PTPRCAP: variants seen among roughly 807,000 people sequenced by gnomAD.
PTPRCAP encodes the protein protein tyrosine phosphatase receptor type C associated protein, also known as protein tyrosine phosphatase receptor type C-associated protein.
For synonymous variants in PTPRCAP, 136 were observed against 135.8 expected (o/e 1.00, Z -0.01); for missense variants, 294 against 285.5 (o/e 1.03, Z -0.22).
In PTPRCAP at chr11:67,435,648, G is replaced by T; in HGVS notation, c.*85C>A. On this transcript the variant is annotated 3_prime_UTR_variant, in exon 2 of 2. Coordinates refer to ENST00000326294, the MANE Select transcript of PTPRCAP (RefSeq NM_005608.3). ...TCTGAGGCATGGTCATGTGGGCTGG[G>T]GGTCCAGTCCAGCCATGGCATCTTG... 6.8e-7 allele frequency: 1 copy of T among 1,480,356 alleles called. No individual in the cohort carries two copies. Among genetic ancestry groups the T allele is most frequent in the Non-Finnish European group, 8.9e-7 (1 of 1,118,262 alleles). The allele number at this position is 1,480,356 out of a possible 1,614,324, so 91.7% of individuals were successfully genotyped here.
Position 67,435,566 on chromosome 11 carries a change from G to T in PTPRCAP, c.*167C>A. ...TGCCTGATGCCTGTGGTTGGGGGGG[G>T]CCGTTCCCGTGGTGAGCGGGGTACA... On this transcript the variant is annotated 3_prime_UTR_variant, in exon 2 of 2. Transcript: ENST00000326294. The T allele has an allele frequency of 5.8e-6, 6 of 1,036,774 alleles. No individual in the cohort carries two copies. Among genetic ancestry groups the T allele is most frequent in the Non-Finnish European group, 6.7e-6 (5 of 745,024 alleles). 64.2% of individuals were successfully genotyped at this position (1,036,774 alleles called of 1,614,324 possible).
At position 67,435,889 on chromosome 11, in the gene PTPRCAP, C is replaced by T. The variant is rs145658745; in HGVS notation, c.465G>A (p.Thr155=). 106 of 1,612,100 alleles carry T rather than the reference C, an allele frequency of 6.6e-5. No individual in the cohort carries two copies. The East Asian group carries it at 6.9e-4, about 11-fold the overall frequency. ...GGGAGCCGAGGACCAGGTCGCCCTC[C>T]GTGTCACTGTCTCTGGCTTCCTCAG... ...VRAEEARDSD[T]EGDLVLGSPG... The change falls in exon 2 of 2, where the codon ACG becomes ACA. Residue 155 remains threonine, a synonymous_variant. Coordinates refer to ENST00000326294, the MANE Select transcript of PTPRCAP (RefSeq NM_005608.3).
At chr11:67,437,030 T>C (rs1351682938) in intron 1 of PTPRCAP, 1 of 152,152 alleles carries the variant, frequency 6.6e-6, no homozygotes, top group African/African-American at 2.4e-5. Flanking sequence ...GGATGGGGGA[T>C]GGAGGGGCCT....
chr11:67,436,601 T>G, intron 1 of PTPRCAP: 1 of 413,440 alleles, frequency 2.4e-6, no homozygotes. Context: ...CCTGGGGCCT[T>G]CGCACTGGCT....
At chr11:67,436,674 G>T in intron 1 of PTPRCAP, 1 of 292,256 alleles carries the variant, frequency 3.4e-6, no homozygotes, top group Non-Finnish European at 6.4e-6. Context: ...TGCATGGCCT[G>T]CTCACCGTGC....
At chr11:67,436,767 A>G (rs565519608) in intron 1 of PTPRCAP, 2 of 182,522 alleles carry the variant, frequency 1.1e-5, no homozygotes, top group African/African-American at 4.7e-5. Flanking sequence ...AGCACCCCCC[A>G]GCACTCAGTG....
In PTPRCAP at chr11:67,437,608, G is replaced by T; in HGVS notation, c.3+9C>A. On this transcript the variant is annotated intron_variant, in intron 1 of 1. Coordinates refer to ENST00000326294, the MANE Select transcript of PTPRCAP (RefSeq NM_005608.3). ...CCATCCCAAGAACCCGGGGGGCTCCGAGGCTTACCATTGGTCCGCAGGCCC... is the reference window on the plus strand; with the variant it reads ...CCATCCCAAGAACCCGGGGGGCTCCTAGGCTTACCATTGGTCCGCAGGCCC... 2 of 1,358,584 alleles carry T rather than the reference G, an allele frequency of 1.5e-6. No homozygotes were observed. Among genetic ancestry groups the T allele is most frequent in the South Asian group, 2.2e-5 (1 of 46,024 alleles). 84.2% of individuals were successfully genotyped at this position (1,358,584 alleles called of 1,614,324 possible).
At position 67,436,170 on chromosome 11, in the gene PTPRCAP, CT is replaced by C. The variant is rs1425755674; in HGVS notation, c.183del (p.Gly63AlafsTer8). Reference protein sequence around the residue: ...ALAWRRLSRDSGGYYHPARLG... With the variant: ...ALAWRRLSRDXGGYYHPARLG... ...AGGCGGGCCGGGTGGTAGTAGCCCC[CT>C]GAGTCACGGCTGAGGCGGCGCCAGG... On this transcript the variant is annotated frameshift_variant, in exon 2 of 2. Coordinates refer to ENST00000326294, the MANE Select transcript of PTPRCAP (RefSeq NM_005608.3). LOFTEE classifies it low-confidence loss of function (END_TRUNC). 1 of 1,562,288 alleles carries C rather than the reference CT, an allele frequency of 6.4e-7. No homozygotes were observed. The highest frequency in any genetic ancestry group is 8.7e-7 in the Non-Finnish European group (1 of 1,154,124).
chr11:67,437,296 G>A, intron 1 of PTPRCAP: 1 of 311,528 alleles, frequency 3.2e-6, no homozygotes, highest in East Asian at 4.9e-5. Flanking sequence ...GTGCTGAGGT[G>A]CAGCCAGCCT....
chr11:67,436,082 A>G lies in PTPRCAP; in HGVS notation c.272T>C (p.Leu91Pro). The G allele has an allele frequency of 6.2e-7, 1 of 1,611,998 alleles. No individual in the cohort carries two copies. The highest frequency in any genetic ancestry group is 2.2e-5 in the East Asian group (1 of 44,834). ...GGACCCCAGCTCAGCTCGGGCCTGCAGCCAGCGACCTGGGGGGCTGGCCCA... is the reference window on the plus strand; with the variant it reads ...GGACCCCAGCTCAGCTCGGGCCTGCGGCCAGCGACCTGGGGGGCTGGCCCA... ...LLWASPPGRW[L>P]QARAELGSTD... Residue 91 changes from leucine to proline, a missense_variant, in exon 2 of 2, where the codon CTG becomes CCG. Coordinates refer to ENST00000326294, the MANE Select transcript of PTPRCAP (RefSeq NM_005608.3).
chr11:67,437,490 C>T (rs1001510902), intron 1 of PTPRCAP, 127 bp downstream of exon 1: 5 of 1,136,898 alleles, frequency 4.4e-6, no homozygotes, highest in African/African-American at 1.6e-5. Flanking sequence ...CTCTGCCATA[C>T]TCCTCTTAGG....
At position 67,435,812 on chromosome 11, in the gene PTPRCAP, T is replaced by A; in HGVS notation, c.542A>T (p.His181Leu). Residue 181 changes from histidine (H) to leucine (L), a missense_variant, in exon 2 of 2, where the codon CAC (histidine) becomes CTC (leucine). By Grantham distance (99) the His-to-Leu change is moderately conservative. Transcript: ENST00000326294. ...GSAEALLSDLHAFAGSAAWDD... is the reference protein window; with the variant it reads ...GSAEALLSDLLAFAGSAAWDD... ...CCAGGCTGCGCTGCCAGCAAAGGCG[T>A]GCAGGTCACTCAGCAGGGCCTCAGC... 6.2e-7 allele frequency: 1 copy of A among 1,602,886 alleles called. No individual in the cohort carries two copies. Among genetic ancestry groups the A allele is most frequent in the Non-Finnish European group, 8.5e-7 (1 of 1,175,970 alleles).
At chr11:67,436,380 C>T in intron 1 of PTPRCAP, 30 bp from the exon 2 acceptor site, 1 of 1,432,502 alleles carries the variant, frequency 7.0e-7, no homozygotes, top group Non-Finnish European at 9.1e-7. Context: ...GCTCAGAGGG[C>T]TCAGCACCTG....
chr11:67,436,454 A>G lies in PTPRCAP; in HGVS notation c.4-104T>C. 5 of 1,318,004 alleles carry G rather than the reference A, an allele frequency of 3.8e-6. No homozygotes were observed. The East Asian group carries it at 1.3e-4, about 35-fold the overall frequency. The allele number at this position is 1,318,004 out of a possible 1,614,324, so 81.6% of individuals were successfully genotyped here. ...CCACTTTCGTTTTTTTCTCTTTGGG[A>G]TCCTCTTGGGACAGCCAAGCAGAAA... On this transcript the variant is annotated intron_variant, in intron 1 of 1. Transcript: ENST00000326294.
Position 67,436,047 on chromosome 11 carries a change from C to A in PTPRCAP, c.307G>T (p.Asp103Tyr). ...ARAELGSTDN[D>Y]LERQEDEQDT... ...TGCTCATCCTCCTGTCGCTCAAGGT[C>A]ATTGTCTGTGGACCCCAGCTCAGCT... The change falls in exon 2 of 2, where the codon GAC (aspartate) becomes TAC (tyrosine). Residue 103 changes from aspartate to tyrosine, a missense_variant. Coordinates refer to ENST00000326294, the MANE Select transcript of PTPRCAP (RefSeq NM_005608.3). 6.2e-7 allele frequency: 1 copy of A among 1,613,506 alleles called. No homozygotes were observed. The highest frequency in any genetic ancestry group is 8.5e-7 in the Non-Finnish European group (1 of 1,179,864).
intron 1 of PTPRCAP, 124 bp downstream of exon 1, chr11:67,437,493 C>T (rs938805160): frequency 1.5e-5 from 17 of 1,156,866 alleles, no homozygotes; most frequent in Admixed American, 3.1e-5. Context: ...TGCCATACTC[C>T]TCTTAGGTCT....
At chr11:67,437,361 C>T (rs1461027394) in intron 1 of PTPRCAP, 1 of 395,032 alleles carries the variant, frequency 2.5e-6, no homozygotes, top group East Asian at 3.7e-5. Flanking sequence ...TTCCCGCTCA[C>T]AGGAAGACCA....
chr11:67,437,630 G>A lies in PTPRCAP; in HGVS notation c.-11C>T. 2 of 1,364,670 alleles carry A rather than the reference G, an allele frequency of 1.5e-6. No homozygotes were observed. Among genetic ancestry groups the A allele is most frequent in the Non-Finnish European group, 9.5e-7 (1 of 1,050,538 alleles). 84.5% of individuals were successfully genotyped at this position (1,364,670 alleles called of 1,614,324 possible). On this transcript the variant is annotated 5_prime_UTR_variant, in exon 1 of 2. Transcript: ENST00000326294. ...TCCGAGGCTTACCATTGGTCCGCAG[G>A]CCCCTCCGTGCCGGGCACCCACCTC...
rs1341000788 is a variant in PTPRCAP at position 67,435,919 on chromosome 11, C to T, written c.435G>A (p.Val145=). 5 of 1,612,868 alleles carry T rather than the reference C, an allele frequency of 3.1e-6. No homozygotes were observed. Among genetic ancestry groups the T allele is most frequent in the Admixed American group, 3.3e-5 (2 of 59,960 alleles). ...CACTGTCTCTGGCTTCCTCAGCCCG[C>T]ACGGGGACCTGCTCTGGGCTGGACG... ...GEASSPEQVP[V]RAEEARDSDT... is the part of the protein sequence containing the mutation. The change falls in exon 2 of 2, where the codon GTG becomes GTA. Residue 145 remains valine, a synonymous_variant. Transcript: ENST00000326294.
Sources: allele counts gnomAD v4.1 joint callset, GRCh38; gene constraint gnomAD v4.1.1; transcripts MANE v1.5; gene names NCBI Gene and HGNC (gene_info 2026-07-23, HGNC 2026-07-21).